Variants in ANKS6 observed in about 807,000 individuals in gnomAD.
The protein encoded by ANKS6 is ankyrin repeat and SAM domain-containing protein 6.
ANKS6 carries 47 observed loss-of-function variants against 77.9 expected under a neutral mutation model. The observed-to-expected ratio is 0.60, with a 90% CI of 0.48 to 0.77. ANKS6 has a LOEUF of 0.77. Among genes scored for constraint, ANKS6 ranks in the 30% least tolerant of loss-of-function variants. The pLI is 0.00. For missense variants in ANKS6, 1,150 were observed against 1,159.1 expected (o/e 0.99, Z 0.11); for synonymous variants, 488 against 501.7 (o/e 0.97, Z 0.37).
intron 11 of ANKS6, among the ~76,000 whole-genome samples, chr9:98,764,317 G>A (rs1833159985): frequency 6.6e-6 from 1 of 152,060 alleles, no homozygotes; most frequent in African/African-American, 2.4e-5. Flanking sequence ...AATATGGAGG[G>A]GTACATTCTT....
chr9:98,773,104 C>T (rs1001385095), intron 9 of ANKS6, among the ~76,000 whole-genome samples: 1 of 152,216 alleles, frequency 6.6e-6, no homozygotes, highest in Non-Finnish European at 1.5e-5. Context: ...CCTACCTGAT[C>T]GAGAATAGTG....
At chr9:98,773,159 G>A (rs1038212144) in intron 9 of ANKS6, among the ~76,000 whole-genome samples, 3 of 152,174 alleles carry the variant, frequency 2.0e-5, no homozygotes, top group African/African-American at 7.2e-5. Flanking sequence ...GCATCTCCAG[G>A]CGCCAGGCTC....
intron 11 of ANKS6, among the ~76,000 whole-genome samples, chr9:98,761,338 C>T (rs1446256741): frequency 2.0e-5 from 3 of 152,190 alleles, no homozygotes; most frequent in African/African-American, 4.8e-5. Context: ...GGCAACATCA[C>T]AGCTCACTGC....
At position 98,733,804 on chromosome 9, in the gene ANKS6, C is replaced by T; in HGVS notation, c.*2715G>A. On this transcript the variant is annotated 3_prime_UTR_variant, in exon 15 of 15. Transcript: ENST00000353234. ...TGCCAAACCTACTCAACCAGGGAACCTCACCCCACTTTCACATACACACCC... is the reference window on the plus strand; with the variant it reads ...TGCCAAACCTACTCAACCAGGGAACTTCACCCCACTTTCACATACACACCC... 2.0e-6 allele frequency: 2 copies of T among 985,436 alleles called. No homozygotes were observed. Among genetic ancestry groups the T allele is most frequent in the Non-Finnish European group, 1.2e-6 (1 of 829,972 alleles). 61.0% of individuals were successfully genotyped at this position (985,436 alleles called of 1,614,324 possible).
At chr9:98,785,591 C>CA (rs1206173627) in intron 2 of ANKS6, among the ~76,000 whole-genome samples, 1 of 152,206 alleles carries the variant, frequency 6.6e-6, no homozygotes, top group Non-Finnish European at 1.5e-5. Flanking sequence ...CACCTTCCTC[C>CA]AAGCTTGGGC....
At chr9:98,742,461 T>C (rs1438064943) in intron 14 of ANKS6, among the ~76,000 whole-genome samples, 1 of 152,214 alleles carries the variant, frequency 6.6e-6, no homozygotes, top group Non-Finnish European at 1.5e-5. Context: ...TTTGCTTTTG[T>C]ACTATTACAC....
Position 98,790,090 on chromosome 9 carries a change from G to A in ANKS6, c.862+14C>T, listed in dbSNP as rs1189902724. On this transcript the variant is annotated intron_variant, in intron 2 of 14. Transcript: ENST00000353234. ...GGGGTCCTCTGTGAAGCCACGGGGGGCATGCAGCCTGACCTGTTTTGGGCC... is the reference window on the plus strand; with the variant it reads ...GGGGTCCTCTGTGAAGCCACGGGGGACATGCAGCCTGACCTGTTTTGGGCC... The A allele has an allele frequency of 6.5e-7, 1 of 1,540,886 alleles. No homozygotes were observed. The highest frequency in any genetic ancestry group is 8.8e-7 in the Non-Finnish European group (1 of 1,137,476).
chr9:98,734,655 C>G lies in ANKS6; in HGVS notation c.*1864G>C, dbSNP rs1831390167. 1 of 945,228 alleles carries G rather than the reference C, an allele frequency of 1.1e-6. No homozygotes were observed. The highest frequency in any genetic ancestry group is 1.3e-6 in the Non-Finnish European group (1 of 793,464). The allele number at this position is 945,228 out of a possible 1,614,324, so 58.6% of individuals were successfully genotyped here. A position where few individuals can be genotyped will look rare whatever the true frequency, so the allele number is the denominator to read the frequency against. On this transcript the variant is annotated 3_prime_UTR_variant, in exon 15 of 15. Coordinates refer to ENST00000353234, the MANE Select transcript of ANKS6 (RefSeq NM_173551.5). ...GATCTGCTCCTTCTGGGCTGTTTAA[C>G]TGGCAAGCTGCTTCCCTCTCCTAAG...
At chr9:98,749,669 G>A (rs1429731028) in intron 13 of ANKS6, among the ~76,000 whole-genome samples, 1 of 152,166 alleles carries the variant, frequency 6.6e-6, no homozygotes, top group East Asian at 1.9e-4. Flanking sequence ...GCAAAAGCAG[G>A]CAGCGATCAG....
In ANKS6 at chr9:98,734,270, G is replaced by A; in HGVS notation, c.*2249C>T. 2.0e-6 allele frequency: 2 copies of A among 985,478 alleles called. No individual in the cohort carries two copies. The highest frequency in any genetic ancestry group is 2.4e-6 in the Non-Finnish European group (2 of 830,006). The allele number at this position is 985,478 out of a possible 1,614,324, so 61.0% of individuals were successfully genotyped here. A position where few individuals can be genotyped will look rare whatever the true frequency, so the allele number is the denominator to read the frequency against. On this transcript the variant is annotated 3_prime_UTR_variant, in exon 15 of 15. Transcript: ENST00000353234. ...CCTCTGCTGTCCTGTCTGCAAAATG[G>A]GAATAGCCCCGCTCTGTCCAGGGTC...
chr9:98,740,707 A>ATTCT (rs1831780588), intron 14 of ANKS6, among the ~76,000 whole-genome samples: 1 of 152,216 alleles, frequency 6.6e-6, no homozygotes, highest in African/African-American at 2.4e-5. Flanking sequence ...TGTTTCCTGC[A>ATTCT]TCCACAACTG....
At chr9:98,757,182 G>A (rs561713831) in intron 11 of ANKS6, among the ~76,000 whole-genome samples, 2 of 152,070 alleles carry the variant, frequency 1.3e-5, no homozygotes, top group South Asian at 2.1e-4. Flanking sequence ...TATCTACATC[G>A]TCACAGTATA....
chr9:98,744,690 C>G (rs1832024391), intron 14 of ANKS6, among the ~76,000 whole-genome samples: 1 of 151,660 alleles, frequency 6.6e-6, no homozygotes, highest in Non-Finnish European at 1.5e-5. Context: ...TGGAACACAG[C>G]CCAAGGAACA....
intron 11 of ANKS6, among the ~76,000 whole-genome samples, chr9:98,767,066 G>T (rs1206765217): frequency 6.6e-6 from 1 of 152,206 alleles, no homozygotes; most frequent in Non-Finnish European, 1.5e-5. Flanking sequence ...AGGCAAAGAG[G>T]TTCAGGAGGC....
chr9:98,733,969 T>C lies in ANKS6; in HGVS notation c.*2550A>G. ...CAGCCACAGGCAGGCTGGGGACACG[T>C]GTGGGAAGGGAAGGGGGTGATCAAG... is the stretch of plus-strand genomic sequence containing the variant. On this transcript the variant is annotated 3_prime_UTR_variant, in exon 15 of 15. Coordinates refer to ENST00000353234, the MANE Select transcript of ANKS6 (RefSeq NM_173551.5). The C allele has an allele frequency of 1.0e-6, 1 of 985,198 alleles. No individual in the cohort carries two copies. The highest frequency in any genetic ancestry group is 1.2e-6 in the Non-Finnish European group (1 of 829,898). The allele number at this position is 985,198 out of a possible 1,614,324, so 61.0% of individuals were successfully genotyped here.
At chr9:98,756,711 T>G (rs1832727040) in intron 11 of ANKS6, 108 bp from the exon 12 acceptor site, 1 of 929,320 alleles carries the variant, frequency 1.1e-6, no homozygotes, top group East Asian at 3.1e-5. Flanking sequence ...TTCAACATGA[T>G]GTTTAACCAA....
chr9:98,767,592 G>A (rs1833371756), intron 11 of ANKS6, among the ~76,000 whole-genome samples: 1 of 152,148 alleles, frequency 6.6e-6, no homozygotes, highest in Non-Finnish European at 1.5e-5. Flanking sequence ...ATGCTCCCAG[G>A]ATGTATACAG....
At chr9:98,769,773 A>G (rs1833521955) in intron 10 of ANKS6, among the ~76,000 whole-genome samples, 1 of 152,206 alleles carries the variant, frequency 6.6e-6, no homozygotes, top group Non-Finnish European at 1.5e-5. Context: ...TGTAAAACAG[A>G]GGTGGTAACT....
rs546748133 is a variant in ANKS6, at chr9:98,790,267, T to C, written c.699A>G (p.Ala233=). ...TVGWSPLMLA[A]LTGRLGVAQQ... is the part of the protein sequence containing the mutation. ...GGGCCACTCCAAGCCGCCCAGTGAG[T>C]GCGGCCAGCATCAGCGGGCTCCAGC... The change falls in exon 2 of 15, where the codon GCA becomes GCG. Residue 233 remains alanine, a synonymous_variant. Transcript: ENST00000353234. 6.2e-7 allele frequency: 1 copy of C among 1,604,206 alleles called. No homozygotes were observed. Among genetic ancestry groups the C allele is most frequent in the Non-Finnish European group, 8.5e-7 (1 of 1,173,470 alleles).
Sources: allele counts gnomAD v4.1 joint callset (sites outside exome capture counted in the v4.1 genomes callset), GRCh38; gene constraint gnomAD v4.1.1; transcripts MANE v1.5; gene names NCBI Gene and HGNC (gene_info 2026-07-23, HGNC 2026-07-21).